The following BCAR3 variants were observed in gnomAD, a reference collection of about 807,000 sequenced individuals.
BCAR3 encodes BCAR3 adaptor protein, NSP family member, also known as breast cancer anti-estrogen resistance protein 3.
Under a neutral mutation model 80.1 loss-of-function variants are expected in BCAR3, and 37 were observed. The ratio of observed to expected loss-of-function variants is 0.46; its 90% CI spans 0.36 to 0.61. BCAR3 has a LOEUF of 0.61. Among genes scored for constraint, BCAR3 ranks in the 20% least tolerant of loss-of-function variants. The probability of loss-of-function intolerance (pLI) is 0.00; values close to 1 mark genes in which losing one functional copy is unlikely to be tolerated. For synonymous variants in BCAR3, 389 were observed against 418.9 expected, an observed-to-expected ratio of 0.93 and a Z score of 0.87; for missense variants, 978 against 1,068.2, an observed-to-expected ratio of 0.92 and a Z score of 1.18.
chr1:93,816,052 C>A (rs1654005240), intron 2 of BCAR3, among the ~76,000 whole-genome samples: 1 of 152,156 alleles, frequency 6.6e-6, no homozygotes, highest in African/African-American at 2.4e-5. Flanking sequence ...TTCAGGCTAT[C>A]CAGATATGCA....
In BCAR3 at chr1:93,830,166, T is replaced by C. The variant is rs544188191; in HGVS notation, c.-63+15401A>G. Among the ~76,000 whole-genome samples, 11 of 152,304 alleles carry C rather than the reference T, an allele frequency of 7.2e-5. No homozygotes were observed. In the South Asian group the frequency reaches 2.1e-3, roughly 29 times the overall value. On this transcript the variant is annotated intron_variant, in intron 2 of 13. Coordinates refer to the BCAR3 transcript ENST00000370244. ...GAGCCAATTAAACCTCTTTTTTTTA[T>C]AAATTACCCAGTTTGGCCGGGTGTG... is the stretch of plus-strand genomic sequence containing the variant.
intron 3 of BCAR3, among the ~76,000 whole-genome samples, chr1:93,638,569 T>C (rs1675872616): frequency 6.6e-6 from 1 of 151,760 alleles, no homozygotes; most frequent in Non-Finnish European, 1.5e-5. Context: ...AAAAGATATT[T>C]CCTCCTATTA....
chr1:93,801,086 C>A (rs957592267), intron 2 of BCAR3, among the ~76,000 whole-genome samples: 1 of 152,152 alleles, frequency 6.6e-6, no homozygotes, highest in African/African-American at 2.4e-5. Context: ...CCTCGGAGCC[C>A]GTATTCCTCT....
chr1:93,708,904 C>T (rs1373509141), intron 2 of BCAR3, among the ~76,000 whole-genome samples: 21 of 152,084 alleles, frequency 1.4e-4, no homozygotes, highest in Non-Finnish European at 1.5e-5. Context: ...ACTGGCAGTA[C>T]TTAGAGCATT....
intron 2 of BCAR3, among the ~76,000 whole-genome samples, chr1:93,744,386 G>A (rs547037316): frequency 6.6e-6 from 1 of 152,276 alleles, no homozygotes; most frequent in African/African-American, 2.4e-5. Flanking sequence ...TAGTCATATT[G>A]AGAAGACCAT....
intron 2 of BCAR3, among the ~76,000 whole-genome samples, chr1:93,827,924 C>T (rs1488920371): frequency 6.6e-6 from 1 of 152,124 alleles, no homozygotes; most frequent in African/African-American, 2.4e-5. Context: ...TCTCTCTGAC[C>T]TTCTCCCACC....
At chr1:93,649,320 G>A (rs1300560999) in intron 2 of BCAR3, among the ~76,000 whole-genome samples, 3 of 152,186 alleles carry the variant, frequency 2.0e-5, no homozygotes, top group Admixed American at 2.0e-4. Context: ...ACCTTGTCTT[G>A]AGGTGGTTCC....
intron 2 of BCAR3, among the ~76,000 whole-genome samples, chr1:93,747,386 C>CA (rs1651397264): frequency 6.7e-6 from 1 of 149,092 alleles, no homozygotes; most frequent in South Asian, 2.1e-4. Context: ...TTGTTGCAGA[C>CA]AGTATAGGGG....
chr1:93,679,736 T>G (rs933598382), intron 1 of BCAR3, among the ~76,000 whole-genome samples: 1 of 152,212 alleles, frequency 6.6e-6, no homozygotes, highest in African/African-American at 2.4e-5. Context: ...TTGAAATGTT[T>G]GTGAACTGAG....
At chr1:93,740,789 T>C (rs1247928862) in intron 2 of BCAR3, among the ~76,000 whole-genome samples, 5 of 152,084 alleles carry the variant, frequency 3.3e-5, no homozygotes, top group Non-Finnish European at 7.4e-5. Flanking sequence ...TGATAGGCAT[T>C]AGGGACTAGC....
chr1:93,685,458 C>A (rs1571043852), upstream of BCAR3, among the ~76,000 whole-genome samples: 1 of 152,114 alleles, frequency 6.6e-6, no homozygotes, highest in African/African-American at 2.4e-5. Flanking sequence ...TTTTTAAAAA[C>A]CACTTAATAT....
At chr1:93,701,370 C>A (rs2101972629) in intron 3 of BCAR3, among the ~76,000 whole-genome samples, 1 of 152,296 alleles carries the variant, frequency 6.6e-6, no homozygotes, top group Admixed American at 6.5e-5. Flanking sequence ...CCGGCCACCC[C>A]ACGTGTCTTC....
intron 2 of BCAR3, among the ~76,000 whole-genome samples, chr1:93,742,195 T>C (rs1360938258): frequency 6.6e-6 from 1 of 152,136 alleles, no homozygotes; most frequent in Non-Finnish European, 1.5e-5. Context: ...TGAAGAGCTA[T>C]TTGCTAACCA....
chr1:93,657,341 C>T (rs1407103090), intron 2 of BCAR3, among the ~76,000 whole-genome samples: 1 of 151,908 alleles, frequency 6.6e-6, no homozygotes, highest in Non-Finnish European at 1.5e-5. Context: ...AAATATCAGG[C>T]CTATATAGTT....
chr1:93,616,333 G>A (rs976103047), intron 3 of BCAR3, among the ~76,000 whole-genome samples: 1 of 152,196 alleles, frequency 6.6e-6, no homozygotes. Flanking sequence ...TCCTGAAACG[G>A]TCAAGGAGAG....
intron 8 of BCAR3, among the ~76,000 whole-genome samples, chr1:93,572,652 A>T (rs1410559969): frequency 6.6e-6 from 1 of 152,166 alleles, no homozygotes; most frequent in Non-Finnish European, 1.5e-5. Flanking sequence ...TCCCACTGTA[A>T]ATCAGGACCC....
chr1:93,705,387 A>G (rs1396696420), intron 3 of BCAR3, among the ~76,000 whole-genome samples: 1 of 152,142 alleles, frequency 6.6e-6, no homozygotes, highest in Admixed American at 6.5e-5. Context: ...CCAGGGAGAG[A>G]GCAGGAATGT....
rs1364515973 is a variant in BCAR3, at chr1:93,823,487, G to A, written c.-63+22080C>T. On this transcript the variant is annotated intron_variant, in intron 2 of 13. Coordinates refer to the BCAR3 transcript ENST00000370244. ...CTTCCTTTTCCCTTCCACTCCTGAA[G>A]GGATTATTGACTATTTTGGAAATGA... Among the ~76,000 whole-genome samples the A allele has an allele frequency of 1.5e-5, 2 of 132,838 alleles. 1 individual carries two copies. Among genetic ancestry groups the A allele is most frequent in the Non-Finnish European group, 3.4e-5 (2 of 58,984 alleles). The allele number at this position is 132,838 out of a possible 152,430, so 87.1% of individuals were successfully genotyped here.
At chr1:93,738,497 T>A (rs760324543) in intron 2 of BCAR3, among the ~76,000 whole-genome samples, 5 of 152,236 alleles carry the variant, frequency 3.3e-5, no homozygotes, top group Non-Finnish European at 7.3e-5. Context: ...GTGCCAAGGA[T>A]GAGCTGCACT....
Sources: allele counts gnomAD v4.1 joint callset (sites outside exome capture counted in the v4.1 genomes callset), GRCh38; gene constraint gnomAD v4.1.1; transcripts MANE v1.5; gene names NCBI Gene and HGNC (gene_info 2026-07-23, HGNC 2026-07-21).